DDR2: variants seen among roughly 807,000 people sequenced by gnomAD.
DDR2 encodes the protein discoidin domain-containing receptor 2.
Under a neutral mutation model 94.9 loss-of-function variants are expected in DDR2, and 27 were observed. The observed-to-expected ratio is 0.28, with a 90% CI of 0.21 to 0.39. DDR2 has a LOEUF of 0.39. DDR2 is among the 10% of genes least tolerant of loss of function. DDR2 has a pLI of 1.00. For missense variants in DDR2, 783 were observed against 1,076.0 expected, an observed-to-expected ratio of 0.73 and a Z score of 3.81; for synonymous variants, 382 against 377.2, an observed-to-expected ratio of 1.01 and a Z score of -0.15.
chr1:162,744,819 G>A (rs997853607), intron 3 of DDR2, among the ~76,000 whole-genome samples: 4 of 152,194 alleles, frequency 2.6e-5, no homozygotes, highest in African/African-American at 7.2e-5. Context: ...ACATGGAAGG[G>A]CAGATATCTC....
In DDR2 at chr1:162,785,045, G is replaced by C. The variant is rs1444800973; in HGVS notation, c.*4799G>C. 2 of 152,128 alleles carry C rather than the reference G, an allele frequency of 1.3e-5. No individual in the cohort carries two copies. Among genetic ancestry groups the C allele is most frequent in the Non-Finnish European group, 2.9e-5 (2 of 68,026 alleles). The allele number at this position is 152,128 out of a possible 1,614,324, so 9.4% of individuals were successfully genotyped here. ...TATTAACACATTAATGTGTTCCTTT[G>C]TCATGAGCAATACCCTGCCTACACT... On this transcript the variant is annotated 3_prime_UTR_variant, in exon 18 of 18. Coordinates refer to ENST00000367921, the MANE Select transcript of DDR2 (RefSeq NM_006182.4).
chr1:162,721,539 C>T (rs1237649430), intron 3 of DDR2, among the ~76,000 whole-genome samples: 1 of 152,146 alleles, frequency 6.6e-6, no homozygotes, highest in Non-Finnish European at 1.5e-5. Context: ...TATCATGAAT[C>T]CTGAGGCTCA....
rs901082654 is a variant in DDR2, at chr1:162,757,287, C to T, written c.671+1518C>T. On this transcript the variant is annotated intron_variant, in intron 7 of 17. Coordinates refer to ENST00000367921, the MANE Select transcript of DDR2 (RefSeq NM_006182.4). ...ATTATCATTTTTCTGACTGAAGGAC[C>T]AGTAAAGATATGGTAGAACAGATGA... 2.0e-5 allele frequency among the ~76,000 whole-genome samples: 3 copies of T among 152,222 alleles called. No individual in the cohort carries two copies. The East Asian group carries it at 5.8e-4, about 29-fold the overall frequency.
At chr1:162,641,262 G>A (rs756099429) in intron 1 of DDR2, among the ~76,000 whole-genome samples, 1 of 152,054 alleles carries the variant, frequency 6.6e-6, no homozygotes, top group African/African-American at 2.4e-5. Context: ...TATGCTAATC[G>A]CTGTCCTGTC....
chr1:162,704,150 T>C (rs1173980435), intron 2 of DDR2, among the ~76,000 whole-genome samples: 1 of 152,162 alleles, frequency 6.6e-6, no homozygotes, highest in African/African-American at 2.4e-5. Context: ...TATTGGCAAA[T>C]CTTTTATCGA....
chr1:162,707,900 C>T (rs1320978728), intron 2 of DDR2, among the ~76,000 whole-genome samples: 1 of 152,040 alleles, frequency 6.6e-6, no homozygotes, highest in African/African-American at 2.4e-5. Context: ...TACTTTTAAC[C>T]AGCTTATACT....
At chr1:162,761,696 A>G (rs1055007139) in intron 9 of DDR2, among the ~76,000 whole-genome samples, 1 of 152,246 alleles carries the variant, frequency 6.6e-6, no homozygotes, top group African/African-American at 2.4e-5. Context: ...AAATGAGAGT[A>G]CAGTGTGTTA....
chr1:162,775,806 C>T lies in DDR2; in HGVS notation c.2011C>T (p.Pro671Ser), dbSNP rs777473405. ...CAATCAGTTTCTTTCCCGCCACGAG[C>T]CCCCTAATTCTTCCTCCAGCGATGT... The part of the protein sequence containing the change: ...DLNQFLSRHE[P>S]PNSSSSDVRT... The change falls in exon 15 of 18, where the codon CCC becomes TCC. Residue 671 changes from proline to serine, a missense_variant. Physicochemically the swap from Pro to Ser is moderately conservative, Grantham distance 74 (BLOSUM62 -1). Transcript: ENST00000367921. 6.2e-7 allele frequency: 1 copy of T among 1,614,064 alleles called. No homozygotes were observed. Among genetic ancestry groups the T allele is most frequent in the South Asian group, 1.1e-5 (1 of 91,062 alleles).
upstream of DDR2, among the ~76,000 whole-genome samples, chr1:162,631,124 G>A (rs12126332): frequency 0.033 from 5,034 of 151,884 alleles, 125 homozygotes; most frequent in South Asian, 0.1. Context: ...GAGCTTATGA[G>A]ACTTTTAGGG....
At chr1:162,723,611 T>C (rs1157936672) in intron 3 of DDR2, among the ~76,000 whole-genome samples, 3 of 152,146 alleles carry the variant, frequency 2.0e-5, no homozygotes, top group Non-Finnish European at 4.4e-5. Context: ...ACCCAGCCAA[T>C]TAGAGGATTG....
rs1171777140 is a variant in DDR2 at position 162,764,411 on chromosome 1, AG to A, written c.1100-1589del. Among the ~76,000 whole-genome samples, 527 of 149,938 alleles carry A rather than the reference AG, an allele frequency of 3.5e-3. 2 individuals are homozygous for A. The highest frequency in any genetic ancestry group is 0.013 in the African/African-American group (504 of 39,800). ...ATGCTTTAAAAAAAAAAAAAAAAAA[AG>A]AAATGTCCAAAGCAATATGAACAAT... On this transcript the variant is annotated intron_variant, in intron 9 of 17. Coordinates refer to ENST00000367921, the MANE Select transcript of DDR2 (RefSeq NM_006182.4).
chr1:162,686,567 G>A (rs770798848), intron 2 of DDR2, among the ~76,000 whole-genome samples: 11 of 152,112 alleles, frequency 7.2e-5, no homozygotes, highest in South Asian at 2.1e-4. Flanking sequence ...TTATGGCTGC[G>A]TAGTATTCCA....
chr1:162,698,696 A>G (rs1332855603), intron 2 of DDR2, among the ~76,000 whole-genome samples: 2 of 152,136 alleles, frequency 1.3e-5, no homozygotes, highest in African/African-American at 4.8e-5. Flanking sequence ...TGCATCAGGA[A>G]TGTTTCTACC....
chr1:162,737,877 A>T (rs200029247), intron 3 of DDR2, among the ~76,000 whole-genome samples: 6,859 of 148,964 alleles, frequency 0.046, 189 homozygotes, highest in Non-Finnish European at 0.07. Context: ...GATATCTCAT[A>T]GTGGTTTTGA....
intron 3 of DDR2, among the ~76,000 whole-genome samples, chr1:162,733,114 C>A (rs1662138301): frequency 6.6e-6 from 1 of 152,246 alleles, no homozygotes. Flanking sequence ...GGAGACACTT[C>A]TTTGCTGCAG....
chr1:162,772,317 G>C, intron 13 of DDR2, 70 bp downstream of exon 13: 4 of 1,488,946 alleles, frequency 2.7e-6, no homozygotes, highest in Non-Finnish European at 3.7e-6. Context: ...GTAGAACAAA[G>C]AGTCCCTTCC....
chr1:162,743,337 C>T (rs1378926993), intron 3 of DDR2, among the ~76,000 whole-genome samples: 4 of 152,106 alleles, frequency 2.6e-5, no homozygotes, highest in African/African-American at 9.7e-5. Flanking sequence ...GTTTCTGTGC[C>T]AAGCCTGGGC....
chr1:162,748,272 C>T (rs1385479120), intron 3 of DDR2, among the ~76,000 whole-genome samples: 1 of 152,110 alleles, frequency 6.6e-6, no homozygotes, highest in South Asian at 2.1e-4. Flanking sequence ...TGTGCAGAGA[C>T]ACACATAGGC....
At chr1:162,636,636 C>T (rs1656839380) in intron 1 of DDR2, among the ~76,000 whole-genome samples, 1 of 152,178 alleles carries the variant, frequency 6.6e-6, no homozygotes, top group African/African-American at 2.4e-5. Context: ...AGGGTTTCGA[C>T]CTCAGAGGAG....
Sources: allele counts gnomAD v4.1 joint callset (sites outside exome capture counted in the v4.1 genomes callset), GRCh38; gene constraint gnomAD v4.1.1; transcripts MANE v1.5; gene names NCBI Gene and HGNC (gene_info 2026-07-23, HGNC 2026-07-21).